Variants in ENOX1 observed in about 807,000 individuals in gnomAD.
ENOX1 encodes candidate growth-related and time keeping constitutive hydroquinone (NADH) oxidase.
Under a neutral mutation model 82.5 loss-of-function variants are expected in ENOX1, and 42 were observed. The observed-to-expected ratio is 0.51, with a 90% CI of 0.40 to 0.66. The LOEUF (loss-of-function observed/expected upper bound fraction) is 0.66. Among genes scored for constraint, ENOX1 ranks in the 30% least tolerant of loss-of-function variants. The pLI, the probability that ENOX1 is intolerant of heterozygous loss-of-function variation, is 0.00. For missense variants in ENOX1, 608 were observed against 811.6 expected, an observed-to-expected ratio of 0.75 and a Z score of 3.05; for synonymous variants, 271 against 282.2, an observed-to-expected ratio of 0.96 and a Z score of 0.40.
intron 7 of ENOX1, among the ~76,000 whole-genome samples, chr13:43,357,225 C>T (rs915290614): frequency 3.3e-5 from 5 of 152,136 alleles, no homozygotes; most frequent in African/African-American, 1.2e-4. Flanking sequence ...AAATGAGATA[C>T]AACTGTAAAA....
chr13:43,780,799 G>A (rs1952212551), intron 1 of ENOX1, among the ~76,000 whole-genome samples: 2 of 152,232 alleles, frequency 1.3e-5, no homozygotes, highest in African/African-American at 4.8e-5. Context: ...CTTTTGAGAT[G>A]CTCAAGGTAC....
intron 5 of ENOX1, among the ~76,000 whole-genome samples, chr13:43,409,916 G>A (rs2054019867): frequency 6.6e-6 from 1 of 152,178 alleles, no homozygotes; most frequent in Admixed American, 6.5e-5. Context: ...GCAAAGTGCA[G>A]TTAAATTATC....
chr13:43,754,279 A>C (rs2153832514), intron 1 of ENOX1, among the ~76,000 whole-genome samples: 1 of 146,862 alleles, frequency 6.8e-6, no homozygotes, highest in South Asian at 2.1e-4. Context: ...ACACACATAT[A>C]TACATATATA....
rs146787670 is a variant in ENOX1, at chr13:43,499,655, C to T, written c.-218-15503G>A. On this transcript the variant is annotated intron_variant, in intron 2 of 16. Coordinates refer to ENST00000690772, the MANE Select transcript of ENOX1 (RefSeq NM_001347969.2). ...AGTCTATAAAGATGGAGAGAGGTGA[C>T]TGCTTCTTCAAGTGCACAGACACCA... 3.4e-4 allele frequency among the ~76,000 whole-genome samples: 52 copies of T among 152,104 alleles called. No individual in the cohort carries two copies. In the Middle Eastern group the frequency reaches 0.01, roughly 30 times the overall value.
At chr13:43,717,755 A>G (rs2088249871) in intron 1 of ENOX1, among the ~76,000 whole-genome samples, 1 of 152,242 alleles carries the variant, frequency 6.6e-6, no homozygotes, top group African/African-American at 2.4e-5. Flanking sequence ...TTCTCAAAAT[A>G]AGATGTACAA....
In ENOX1 at chr13:43,234,513, T is replaced by G. The variant is rs368876463; in HGVS notation, c.1714+2123A>C. 2.6e-5 allele frequency among the ~76,000 whole-genome samples: 4 copies of G among 152,344 alleles called. No individual in the cohort carries two copies. In the East Asian group the frequency reaches 7.7e-4, roughly 29 times the overall value. Reference sequence around the variant, plus strand: ...CAAAATAAGTGTCACCCCCTGTTTCTCTTTTGCTCTACTCCTAACTTCAAA... The same window carrying G: ...CAAAATAAGTGTCACCCCCTGTTTCGCTTTTGCTCTACTCCTAACTTCAAA... On this transcript the variant is annotated intron_variant, in intron 15 of 16. Transcript: ENST00000690772.
At chr13:43,669,869 T>C (rs1351076881) in intron 1 of ENOX1, among the ~76,000 whole-genome samples, 2 of 152,166 alleles carry the variant, frequency 1.3e-5, no homozygotes, top group Non-Finnish European at 2.9e-5. Flanking sequence ...TCCTAAAATG[T>C]AGAACAATTC....
At chr13:43,460,056 C>G in intron 3 of ENOX1, among the ~76,000 whole-genome samples, 1 of 152,194 alleles carries the variant, frequency 6.6e-6, no homozygotes, top group East Asian at 1.9e-4. Flanking sequence ...CAAGAAAAAA[C>G]TATCCTCAAG....
intron 2 of ENOX1, among the ~76,000 whole-genome samples, chr13:43,586,695 A>G (rs1376034294): frequency 2.6e-5 from 4 of 152,178 alleles, no homozygotes; most frequent in Non-Finnish European, 5.9e-5. Context: ...AATTACTTTC[A>G]GAATTAGCAG....
intron 9 of ENOX1, among the ~76,000 whole-genome samples, chr13:43,328,264 C>T (rs1398232913): frequency 6.6e-6 from 1 of 152,180 alleles, no homozygotes; most frequent in African/African-American, 2.4e-5. Context: ...CATGTTTTGT[C>T]TGTACACAGG....
chr13:43,717,638 G>A (rs299333), intron 1 of ENOX1, among the ~76,000 whole-genome samples: 151,699 of 152,310 alleles, frequency 1, 75,547 homozygotes, highest in East Asian at 1. Flanking sequence ...TTCACAAACT[G>A]TGCATCTGAC....
At chr13:43,403,847 A>AAAAT (rs1555261531) in intron 5 of ENOX1, among the ~76,000 whole-genome samples, 1 of 152,048 alleles carries the variant, frequency 6.6e-6, no homozygotes, top group Non-Finnish European at 1.5e-5. Context: ...CTCAAAAAAA[A>AAAAT]AAATAAATAA....
chr13:43,437,240 C>T (rs777387859), intron 3 of ENOX1, among the ~76,000 whole-genome samples: 19 of 152,188 alleles, frequency 1.2e-4, no homozygotes, highest in Non-Finnish European at 2.8e-4. Context: ...CAAAATAATC[C>T]GCACATTGGG....
chr13:43,285,886 G>GT (rs1440707332), intron 12 of ENOX1, among the ~76,000 whole-genome samples: 1 of 133,816 alleles, frequency 7.5e-6, no homozygotes, highest in African/African-American at 2.8e-5. Flanking sequence ...GTATTTCTTT[G>GT]TCCCCCCATC....
intron 14 of ENOX1, among the ~76,000 whole-genome samples, chr13:43,238,398 A>G (rs2042653142): frequency 6.6e-6 from 1 of 152,228 alleles, no homozygotes; most frequent in African/African-American, 2.4e-5. Context: ...ATAAAATAAC[A>G]TTTGGTACTT....
intron 3 of ENOX1, among the ~76,000 whole-genome samples, chr13:43,425,368 C>T (rs1224245631): frequency 1.3e-5 from 2 of 152,196 alleles, no homozygotes; most frequent in Non-Finnish European, 2.9e-5. Flanking sequence ...ACTGTTGCTA[C>T]AGACCCAAGG....
At chr13:43,316,604 T>C (rs2047502119) in intron 11 of ENOX1, among the ~76,000 whole-genome samples, 1 of 144,528 alleles carries the variant, frequency 6.9e-6, no homozygotes, top group Admixed American at 7.2e-5. Flanking sequence ...TCTGTTTTCC[T>C]GCATTTAAAA....
chr13:43,690,259 A>T (rs1225913639), intron 1 of ENOX1, among the ~76,000 whole-genome samples: 2 of 242 alleles, frequency 8.3e-3, no homozygotes, highest in African/African-American at 0.011. Context: ...TAAATAAGTT[A>T]AAAAAAAAAA....
In ENOX1 at chr13:43,414,457, T is replaced by C. The variant is rs192065883; in HGVS notation, c.-74-1469A>G. On this transcript the variant is annotated intron_variant, in intron 3 of 16. Transcript: ENST00000690772. ...AATGAACTCAGAACCTGCATGTGTA[T>C]TGTGCATCAATTATCTTAGGCTATG... 7.9e-5 allele frequency among the ~76,000 whole-genome samples: 12 copies of C among 152,324 alleles called. No homozygotes were observed. The East Asian group carries it at 1.9e-3, about 24-fold the overall frequency.
Sources: allele counts gnomAD v4.1 joint callset (sites outside exome capture counted in the v4.1 genomes callset), GRCh38; gene constraint gnomAD v4.1.1; transcripts MANE v1.5; gene names NCBI Gene and HGNC (gene_info 2026-07-23, HGNC 2026-07-21).